NTN4: variants seen among roughly 807,000 people sequenced by gnomAD.
NTN4 encodes netrin 4, also known as netrin-4.
A neutral mutation model predicts 73.6 loss-of-function variants in NTN4; 32 were observed. The observed-to-expected ratio is 0.44, with a 90% CI of 0.33 to 0.58. The LOEUF (loss-of-function observed/expected upper bound fraction) is 0.58, where lower values mean the gene tolerates loss of function less well. NTN4 is among the 20% of genes least tolerant of loss of function. The pLI, the probability that NTN4 is intolerant of heterozygous loss-of-function variation, is 0.04. For synonymous variants in NTN4, 258 were observed against 287.5 expected (o/e 0.90, Z 1.04); for missense variants, 654 against 798.3 (o/e 0.82, Z 2.18).
At chr12:95,721,850 T>C (rs1007557574) in intron 3 of NTN4, among the ~76,000 whole-genome samples, 3 of 152,206 alleles carry the variant, frequency 2.0e-5, no homozygotes, top group African/African-American at 7.2e-5. Context: ...ATCTGTGCCA[T>C]GGCATATGCT....
At chr12:95,700,858 G>A (rs12426965) in intron 5 of NTN4, among the ~76,000 whole-genome samples, 24,150 of 135,796 alleles carry the variant, frequency 0.18, 2,313 homozygotes, top group Admixed American at 0.23. Flanking sequence ...CTGTTGCCCA[G>A]GTTGGAGTGC....
chr12:95,713,157 C>T, intron 4 of NTN4, 55 bp downstream of exon 4: 2 of 1,583,086 alleles, frequency 1.3e-6, no homozygotes, highest in Admixed American at 1.7e-5. Context: ...AAGGAGTCCA[C>T]AGATGCGTTG....
intron 7 of NTN4, among the ~76,000 whole-genome samples, chr12:95,678,349 T>TAAAAA (rs59083360): frequency 6.1e-4 from 67 of 110,462 alleles, no homozygotes; most frequent in Admixed American, 6.4e-4. Context: ...GAACTTAAAG[T>TAAAAA]AAAAAAAAAA....
chr12:95,663,442 A>G (rs1007710161), intron 9 of NTN4: 8 of 152,256 alleles, frequency 5.3e-5, no homozygotes, highest in African/African-American at 1.9e-4. Context: ...AAGAAGATAC[A>G]ATACTTTAGT....
chr12:95,745,841 G>A (rs1418166112), intron 2 of NTN4, among the ~76,000 whole-genome samples: 1 of 151,396 alleles, frequency 6.6e-6, no homozygotes, highest in Non-Finnish European at 1.5e-5. Context: ...TGTTATGTGG[G>A]ACCAATGCAT....
At chr12:95,687,374 G>T (rs2078368826) in intron 5 of NTN4, among the ~76,000 whole-genome samples, 1 of 151,292 alleles carries the variant, frequency 6.6e-6, no homozygotes, top group Non-Finnish European at 1.5e-5. Flanking sequence ...AAATAATTTG[G>T]TGAAAAAAAA....
intron 9 of NTN4, among the ~76,000 whole-genome samples, chr12:95,660,831 T>C (rs1374768978): frequency 6.6e-6 from 1 of 152,170 alleles, no homozygotes; most frequent in Non-Finnish European, 1.5e-5. Context: ...CATTTTTCAC[T>C]GAAATGACTG....
intron 2 of NTN4, among the ~76,000 whole-genome samples, chr12:95,751,613 G>C (rs1231294393): frequency 6.6e-6 from 1 of 151,744 alleles, no homozygotes; most frequent in Non-Finnish European, 1.5e-5. Context: ...CTCTCTGACT[G>C]ACTCCTTCCC....
intron 2 of NTN4, among the ~76,000 whole-genome samples, chr12:95,738,649 G>A (rs1362786311): frequency 5.9e-5 from 9 of 152,234 alleles, no homozygotes; most frequent in South Asian, 4.1e-4. Context: ...ACTGTAGGCA[G>A]AGAGGTGATA....
At chr12:95,708,972 G>T (rs972237473) in intron 5 of NTN4, among the ~76,000 whole-genome samples, 1 of 152,140 alleles carries the variant, frequency 6.6e-6, no homozygotes, top group Admixed American at 6.5e-5. Context: ...AGTAAAACAG[G>T]ATGCTGGGAG....
At chr12:95,779,705 C>A (rs2079118900) in intron 2 of NTN4, among the ~76,000 whole-genome samples, 1 of 151,980 alleles carries the variant, frequency 6.6e-6, no homozygotes. Context: ...TAGGAAGAAT[C>A]AATATCGTGA....
intron 7 of NTN4, among the ~76,000 whole-genome samples, chr12:95,678,271 G>C (rs1029965877): frequency 6.7e-6 from 1 of 150,210 alleles, no homozygotes; most frequent in African/African-American, 2.5e-5. Context: ...GGGTTGATAG[G>C]TGCAGCAAAC....
intron 7 of NTN4, among the ~76,000 whole-genome samples, chr12:95,676,423 A>T (rs569858531): frequency 3.3e-5 from 5 of 152,196 alleles, no homozygotes; most frequent in African/African-American, 9.6e-5. Context: ...AAAAAAAAAA[A>T]ATATTCTAAA....
In NTN4 at chr12:95,672,253, T is replaced by C. The variant is rs1325291451; in HGVS notation, c.1511-2107A>G. 6 of 673,002 alleles carry C rather than the reference T, an allele frequency of 8.9e-6. No homozygotes were observed. In the East Asian group the frequency reaches 1.6e-4, roughly 18 times the overall value. The allele number at this position is 673,002 out of a possible 1,614,324, so 41.7% of individuals were successfully genotyped here. A position where few individuals can be genotyped will look rare whatever the true frequency, so the allele number is the denominator to read the frequency against. On this transcript the variant is annotated intron_variant, in intron 7 of 9. Coordinates refer to ENST00000343702, the MANE Select transcript of NTN4 (RefSeq NM_021229.4). ...GGGGAGGCGGGGGCAGGGGGCGGGC[T>C]GTGATTCTAGAATCTGAACCCCAGC...
chr12:95,788,449 C>T (rs1312289081), intron 1 of NTN4, among the ~76,000 whole-genome samples: 1 of 152,138 alleles, frequency 6.6e-6, no homozygotes, highest in Non-Finnish European at 1.5e-5. Flanking sequence ...TACTATAATC[C>T]TTTGATTTGC....
chr12:95,742,049 A>C (rs1565903932), intron 2 of NTN4, among the ~76,000 whole-genome samples: 1 of 152,148 alleles, frequency 6.6e-6, no homozygotes, highest in Non-Finnish European at 1.5e-5. Context: ...GAATCCCTTG[A>C]ACTTTGCCTG....
At chr12:95,771,981 T>C (rs1251766623) in intron 2 of NTN4, among the ~76,000 whole-genome samples, 1 of 152,138 alleles carries the variant, frequency 6.6e-6, no homozygotes, top group African/African-American at 2.4e-5. Flanking sequence ...CCAACATAAA[T>C]CAATTCATGT....
chr12:95,779,210 T>C (rs2079115466), intron 2 of NTN4, among the ~76,000 whole-genome samples: 1 of 152,170 alleles, frequency 6.6e-6, no homozygotes, highest in Admixed American at 6.5e-5. Context: ...TCATACTGAA[T>C]GGGCAAAAAC....
In NTN4 at chr12:95,659,007, T is replaced by G; in HGVS notation, c.*79A>C. 7.1e-7 allele frequency: 1 copy of G among 1,409,546 alleles called. No individual in the cohort carries two copies. The highest frequency in any genetic ancestry group is 9.5e-7 in the Non-Finnish European group (1 of 1,048,172). 87.3% of individuals were successfully genotyped at this position (1,409,546 alleles called of 1,614,324 possible). A position where few individuals can be genotyped will look rare whatever the true frequency, so the allele number is the denominator to read the frequency against. On this transcript the variant is annotated 3_prime_UTR_variant, in exon 10 of 10. Coordinates refer to ENST00000343702, the MANE Select transcript of NTN4 (RefSeq NM_021229.4). ...TTTTGGCACTTTAAAAAATTCCAGTTTCCTGTCTGAGGTCTTCTTGCTCTA... is the reference window on the plus strand; with the variant it reads ...TTTTGGCACTTTAAAAAATTCCAGTGTCCTGTCTGAGGTCTTCTTGCTCTA...
Sources: allele counts gnomAD v4.1 joint callset (sites outside exome capture counted in the v4.1 genomes callset), GRCh38; gene constraint gnomAD v4.1.1; transcripts MANE v1.5; gene names NCBI Gene and HGNC (gene_info 2026-07-23, HGNC 2026-07-21).